CTNNA2: variants seen among roughly 807,000 people sequenced by gnomAD.
The protein encoded by CTNNA2 is catenin alpha-2.
Under a neutral mutation model 101.0 loss-of-function variants are expected in CTNNA2, and 42 were observed. That is an observed-to-expected ratio of 0.42 (90% CI 0.32 to 0.54). The LOEUF is 0.54. Among genes scored for constraint, CTNNA2 ranks in the 20% least tolerant of loss-of-function variants. The pLI is 0.14. For missense variants in CTNNA2, 871 were observed against 1,223.1 expected (o/e 0.71, Z 4.29); for synonymous variants, 450 against 456.4 (o/e 0.99, Z 0.18).
chr2:80,545,195 C>A (rs1691936284), intron 10 of CTNNA2, 121 bp downstream of exon 10: 1 of 882,400 alleles, frequency 1.1e-6, no homozygotes, highest in Non-Finnish European at 1.7e-6. Flanking sequence ...CATTTATGAG[C>A]TGTTTCAAGT....
chr2:79,879,328 A>G (rs546929204), intron 6 of CTNNA2, among the ~76,000 whole-genome samples: 31 of 151,750 alleles, frequency 2.0e-4, no homozygotes, highest in African/African-American at 7.5e-4. Flanking sequence ...TGAAATTTAA[A>G]GTAGTTTCTT....
intron 3 of CTNNA2, among the ~76,000 whole-genome samples, chr2:79,330,705 G>C (rs1676851702): frequency 1.3e-5 from 2 of 152,146 alleles, no homozygotes; most frequent in South Asian, 2.1e-4. Context: ...AGTCTCAAGA[G>C]ATCTGATGGT....
At chr2:80,056,421 G>T (rs1697216987) in intron 7 of CTNNA2, among the ~76,000 whole-genome samples, 1 of 152,182 alleles carries the variant, frequency 6.6e-6, no homozygotes, top group Admixed American at 6.5e-5. Context: ...AGGAGACAAT[G>T]AATATTAGGG....
intron 3 of CTNNA2, among the ~76,000 whole-genome samples, chr2:79,766,550 G>A (rs1052314459): frequency 9.9e-5 from 15 of 152,098 alleles, no homozygotes; most frequent in African/African-American, 2.9e-4. Flanking sequence ...TAACCTTCCT[G>A]TACTTGCATA....
chr2:80,104,976 A>T (rs931157557), intron 7 of CTNNA2, among the ~76,000 whole-genome samples: 4 of 152,176 alleles, frequency 2.6e-5, no homozygotes, highest in African/African-American at 9.7e-5. Flanking sequence ...ATCAGAATGG[A>T]TGATGGTAAA....
At chr2:80,529,218 G>T (rs1027038976) in intron 9 of CTNNA2, among the ~76,000 whole-genome samples, 1 of 152,142 alleles carries the variant, frequency 6.6e-6, no homozygotes, top group African/African-American at 2.4e-5. Context: ...AGGCCACATG[G>T]AGTCTCACAG....
At chr2:80,340,792 C>T (rs985997410) in intron 7 of CTNNA2, among the ~76,000 whole-genome samples, 1 of 152,160 alleles carries the variant, frequency 6.6e-6, no homozygotes, top group Non-Finnish European at 1.5e-5. Context: ...GAGCTAGCAT[C>T]AGATCTCATG....
intron 4 of CTNNA2, among the ~76,000 whole-genome samples, chr2:79,379,441 C>T (rs1177155208): frequency 6.6e-6 from 1 of 152,200 alleles, no homozygotes; most frequent in Non-Finnish European, 1.5e-5. Context: ...TTCAACCCCA[C>T]CATAGGGCCT....
chr2:79,542,481 C>T (rs1673484733), intron 1 of CTNNA2, among the ~76,000 whole-genome samples: 1 of 152,098 alleles, frequency 6.6e-6, no homozygotes, highest in Non-Finnish European at 1.5e-5. Flanking sequence ...AACAGAATGT[C>T]TCAATTTTTT....
intron 15 of CTNNA2, among the ~76,000 whole-genome samples, chr2:80,591,457 G>GTTTTTTTTTTTTTTTTTT (rs567131551): frequency 0.012 from 833 of 70,272 alleles, 146 homozygotes; most frequent in Non-Finnish European, 0.015. Context: ...TGCACAGCCT[G>GTTTTTTTTTTTTTTTTTT]TTTTTTTTTT....
chr2:80,144,964 C>G lies in CTNNA2; in HGVS notation c.1056+235167C>G, dbSNP rs141973982. On this transcript the variant is annotated intron_variant, in intron 7 of 18. Coordinates refer to ENST00000402739, the MANE Select transcript of CTNNA2 (RefSeq NM_001282597.3). ...ACTAGATGCAAGTAACACCTCTCCC[C>G]CCAGCTGTCACAACCGAAAATGCCT... is the stretch of plus-strand genomic sequence containing the variant. 7.2e-4 allele frequency among the ~76,000 whole-genome samples: 109 copies of G among 152,214 alleles called. No homozygotes were observed. The East Asian group carries it at 0.02, about 28-fold the overall frequency.
At chr2:80,440,940 C>T (rs1480951012) in intron 9 of CTNNA2, among the ~76,000 whole-genome samples, 2 of 152,092 alleles carry the variant, frequency 1.3e-5, no homozygotes, top group African/African-American at 2.4e-5. Flanking sequence ...TTGGAAGCAC[C>T]GGTTTCTCTC....
intron 7 of CTNNA2, among the ~76,000 whole-genome samples, chr2:80,209,434 G>T (rs186149772): frequency 1.3e-5 from 2 of 151,896 alleles, no homozygotes; most frequent in African/African-American, 2.4e-5. Flanking sequence ...CAGGTGATCC[G>T]CCCGCCTCGG....
At chr2:79,577,968 T>G (rs1243955305) in intron 1 of CTNNA2, among the ~76,000 whole-genome samples, 2 of 152,188 alleles carry the variant, frequency 1.3e-5, no homozygotes, top group Non-Finnish European at 2.9e-5. Context: ...AACAGATTAT[T>G]TAAACAAAGC....
At chr2:79,537,643 G>A (rs1019186709) in intron 1 of CTNNA2, among the ~76,000 whole-genome samples, 2 of 152,168 alleles carry the variant, frequency 1.3e-5, no homozygotes, top group Non-Finnish European at 2.9e-5. Flanking sequence ...TCACCCAGTA[G>A]CAAAGGCTGC....
intron 7 of CTNNA2, among the ~76,000 whole-genome samples, chr2:79,925,252 T>C (rs1347663): frequency 0.15 from 23,221 of 152,094 alleles, 1,958 homozygotes; most frequent in East Asian, 0.26. Context: ...CTTGAACTTA[T>C]GTCTTTTTAA....
At chr2:79,661,580 T>C (rs2104529889) in intron 2 of CTNNA2, among the ~76,000 whole-genome samples, 1 of 152,320 alleles carries the variant, frequency 6.6e-6, no homozygotes, top group African/African-American at 2.4e-5. Context: ...AAGTTATAGG[T>C]TGGGGCTCAC....
chr2:79,974,604 A>AT (rs1267665533), intron 7 of CTNNA2, among the ~76,000 whole-genome samples: 1 of 152,232 alleles, frequency 6.6e-6, no homozygotes. Flanking sequence ...AAGTTATGAT[A>AT]TTTTTTCTAA....
At chr2:80,568,477 C>A (rs1694257373) in intron 12 of CTNNA2, among the ~76,000 whole-genome samples, 1 of 152,050 alleles carries the variant, frequency 6.6e-6, no homozygotes. Context: ...ATGGTCTCTG[C>A]CTGAAGGCGA....
Sources: gnomAD v4.1 joint callset for allele counts (sites outside exome capture counted in the v4.1 genomes callset) on GRCh38, gnomAD v4.1.1 for gene constraint, MANE v1.5 for transcripts, NCBI Gene and HGNC (gene_info 2026-07-23, HGNC 2026-07-21) for gene names.